Variants in ADGRB3 observed in about 807,000 individuals in gnomAD.
The protein encoded by ADGRB3 is brain-specific angiogenesis inhibitor 3.
In ADGRB3, 37 loss-of-function variants were observed where a neutral mutation model predicts 193.4. That is an observed-to-expected ratio of 0.19 (90% CI 0.15 to 0.25). The LOEUF (loss-of-function observed/expected upper bound fraction) is 0.25. Ranked by LOEUF, ADGRB3 falls within the 10% of genes least tolerant of loss-of-function variation. The pLI, the probability that ADGRB3 is intolerant of heterozygous loss-of-function variation, is 1.00. For missense variants in ADGRB3, 1,637 were observed against 1,852.9 expected, an observed-to-expected ratio of 0.88 and a Z score of 2.14; for synonymous variants, 690 against 644.2, an observed-to-expected ratio of 1.07 and a Z score of -1.08.
intron 17 of ADGRB3, among the ~76,000 whole-genome samples, chr6:69,101,320 T>A (rs680778): frequency 6.6e-6 from 1 of 152,306 alleles, no homozygotes. Flanking sequence ...AATAAAAATT[T>A]GCCTAAATTT....
chr6:69,320,197 C>T (rs1768413911), intron 20 of ADGRB3, among the ~76,000 whole-genome samples: 1 of 151,464 alleles, frequency 6.6e-6, no homozygotes, highest in African/African-American at 2.4e-5. Context: ...TGTTCCTCTA[C>T]TCCCTTGCAA....
At chr6:69,160,388 T>C (rs1456949626) in intron 17 of ADGRB3, among the ~76,000 whole-genome samples, 1 of 152,090 alleles carries the variant, frequency 6.6e-6, no homozygotes, top group Non-Finnish European at 1.5e-5. Context: ...ATTCCTCCGA[T>C]ATGGCAGGCA....
intron 16 of ADGRB3, among the ~76,000 whole-genome samples, chr6:69,065,770 C>T (rs1325468440): frequency 2.7e-5 from 4 of 149,910 alleles, no homozygotes; most frequent in African/African-American, 9.8e-5. Flanking sequence ...TATATACACA[C>T]ACACACACAC....
At chr6:69,153,303 A>G (rs764355803) in intron 17 of ADGRB3, among the ~76,000 whole-genome samples, 9 of 152,168 alleles carry the variant, frequency 5.9e-5, no homozygotes, top group Non-Finnish European at 4.4e-5. Context: ...TTCTAAACAC[A>G]TACCTTTGAG....
chr6:68,770,023 C>T (rs1005814625), intron 3 of ADGRB3, among the ~76,000 whole-genome samples: 8 of 152,202 alleles, frequency 5.3e-5, no homozygotes, highest in South Asian at 2.1e-4. Flanking sequence ...CTCTGGCTAT[C>T]TTCATTTTCA....
intron 3 of ADGRB3, among the ~76,000 whole-genome samples, chr6:68,903,338 A>G (rs777143581): frequency 7.2e-5 from 11 of 152,188 alleles, no homozygotes; most frequent in Non-Finnish European, 1.6e-4. Context: ...TAAATAAAAT[A>G]CCATTATAAA....
chr6:68,992,032 G>A (rs963220997), intron 10 of ADGRB3, among the ~76,000 whole-genome samples: 1 of 152,084 alleles, frequency 6.6e-6, no homozygotes, highest in Non-Finnish European at 1.5e-5. Flanking sequence ...TATGCTGTTT[G>A]CTAAGACTGT....
chr6:69,296,969 C>T (rs2127294822), intron 20 of ADGRB3, among the ~76,000 whole-genome samples: 1 of 152,172 alleles, frequency 6.6e-6, no homozygotes, highest in South Asian at 2.1e-4. Context: ...AGAGTAAAAT[C>T]AGAGTTTGGT....
At chr6:69,108,852 G>A (rs1475503272) in intron 17 of ADGRB3, among the ~76,000 whole-genome samples, 13 of 152,146 alleles carry the variant, frequency 8.5e-5, no homozygotes, top group Admixed American at 8.5e-4. Context: ...AATGTATTGG[G>A]CCTCATTTAA....
At chr6:68,753,464 C>A (rs1483416243) in intron 3 of ADGRB3, among the ~76,000 whole-genome samples, 1 of 152,122 alleles carries the variant, frequency 6.6e-6, no homozygotes, top group Non-Finnish European at 1.5e-5. Flanking sequence ...GCAAAGGATG[C>A]CTATGGAATA....
chr6:69,003,845 A>G (rs1274290544), intron 11 of ADGRB3, among the ~76,000 whole-genome samples: 1 of 152,216 alleles, frequency 6.6e-6, no homozygotes, highest in Non-Finnish European at 1.5e-5. Context: ...AACAAGCTCC[A>G]TAGAAGAGCC....
At chr6:69,201,321 G>A (rs967142817) in intron 17 of ADGRB3, among the ~76,000 whole-genome samples, 2 of 151,880 alleles carry the variant, frequency 1.3e-5, no homozygotes, top group Non-Finnish European at 2.9e-5. Flanking sequence ...TCCTCCTCTG[G>A]CTCCTAGTTC....
At chr6:69,198,957 G>A (rs940633317) in intron 17 of ADGRB3, among the ~76,000 whole-genome samples, 2 of 152,202 alleles carry the variant, frequency 1.3e-5, no homozygotes, top group South Asian at 2.1e-4. Context: ...TGCCAGGCTC[G>A]TTGGAGCAAA....
At chr6:69,297,385 T>C (rs1767849189) in intron 20 of ADGRB3, among the ~76,000 whole-genome samples, 1 of 139,394 alleles carries the variant, frequency 7.2e-6, no homozygotes, top group South Asian at 2.3e-4. Flanking sequence ...TCTCTCTCTC[T>C]CTCTCTATCT....
At chr6:69,364,103 A>C (rs945201582) in intron 29 of ADGRB3, among the ~76,000 whole-genome samples, 1 of 152,020 alleles carries the variant, frequency 6.6e-6, no homozygotes, top group African/African-American at 2.4e-5. Flanking sequence ...CAGCCTGGGC[A>C]GCTGGCACAG....
At chr6:69,123,886 T>C (rs1387916895) in intron 17 of ADGRB3, among the ~76,000 whole-genome samples, 1 of 152,188 alleles carries the variant, frequency 6.6e-6, no homozygotes, top group Non-Finnish European at 1.5e-5. Flanking sequence ...TGGACCTTTA[T>C]AAGGACTTAA....
chr6:68,700,596 A>G (rs2127308351), intron 3 of ADGRB3, among the ~76,000 whole-genome samples: 1 of 152,050 alleles, frequency 6.6e-6, no homozygotes, highest in African/African-American at 2.4e-5. Context: ...TTCAGTATAG[A>G]AAAGACAAAT....
intron 6 of ADGRB3, among the ~76,000 whole-genome samples, chr6:68,946,075 C>T (rs1255745090): frequency 6.6e-6 from 1 of 151,976 alleles, no homozygotes; most frequent in Non-Finnish European, 1.5e-5. Context: ...GTATCATGTG[C>T]CATTTCTGAC....
chr6:69,129,083 C>A (rs1773932906), intron 17 of ADGRB3, among the ~76,000 whole-genome samples: 1 of 152,134 alleles, frequency 6.6e-6, no homozygotes, highest in Non-Finnish European at 1.5e-5. Context: ...TACTTACGAA[C>A]AGTAGCCATG....
Sources: allele counts gnomAD v4.1 joint callset (sites outside exome capture counted in the v4.1 genomes callset), GRCh38; gene constraint gnomAD v4.1.1; transcripts MANE v1.5; gene names NCBI Gene and HGNC (gene_info 2026-07-23, HGNC 2026-07-21).